The following ADRA1B variants were observed in gnomAD, a reference collection of about 807,000 sequenced individuals.
The protein encoded by ADRA1B is alpha-1B adrenergic receptor.
Under a neutral mutation model 17.9 loss-of-function variants are expected in ADRA1B, and 17 were observed. The ratio of observed to expected loss-of-function variants is 0.95; its 90% CI spans 0.65 to 1.42. ADRA1B has a LOEUF of 1.42. Ranked by LOEUF, ADRA1B falls within the 40% of genes most tolerant of loss-of-function variation. The pLI is 0.00. For synonymous variants in ADRA1B, 366 were observed against 327.6 expected (o/e 1.12, Z -1.27); for missense variants, 681 against 722.1 (o/e 0.94, Z 0.65).
In ADRA1B at chr5:159,916,770, G is replaced by A. The variant is rs1204171159; in HGVS notation, c.-136G>A. 4 of 808,940 alleles carry A rather than the reference G, an allele frequency of 4.9e-6. No individual in the cohort carries two copies. Among genetic ancestry groups the A allele is most frequent in the Non-Finnish European group, 7.8e-6 (4 of 513,850 alleles). 50.1% of individuals were successfully genotyped at this position (808,940 alleles called of 1,614,324 possible). On this transcript the variant is annotated 5_prime_UTR_variant, in exon 1 of 2. Coordinates refer to ENST00000306675, the MANE Select transcript of ADRA1B (RefSeq NM_000679.4). ...TGCTGCCGGGCTGGGCTGCCCGGGG[G>A]AGATGACTCCTCGCCAGGAGGGCGC... is the stretch of plus-strand genomic sequence containing the variant.
chr5:159,981,738 C>T, the ADRA1B span, among the ~76,000 whole-genome samples: 20 of 152,232 alleles, frequency 1.3e-4, no homozygotes, highest in Admixed American at 9.8e-4. Flanking sequence ...CCTTGTGATC[C>T]GCCCGCCTCG....
downstream of ADRA1B, among the ~76,000 whole-genome samples, chr5:159,974,756 A>G (rs189578804): frequency 1.1e-3 from 170 of 152,300 alleles, 1 homozygote; most frequent in Middle Eastern, 0.01. Context: ...TTACATTTTC[A>G]TTCAATTTTA....
rs1203391246 is a variant in ADRA1B, at chr5:159,916,558, G to C, written c.-348G>C. The C allele has an allele frequency of 5.2e-6, 1 of 191,380 alleles. No individual in the cohort carries two copies. The highest frequency in any genetic ancestry group is 1.1e-5 in the Non-Finnish European group (1 of 94,718). The allele number at this position is 191,380 out of a possible 1,614,324, so 11.9% of individuals were successfully genotyped here. A position where few individuals can be genotyped will look rare whatever the true frequency, so the allele number is the denominator to read the frequency against. On this transcript the variant is annotated 5_prime_UTR_variant, in exon 1 of 2. Coordinates refer to ENST00000306675, the MANE Select transcript of ADRA1B (RefSeq NM_000679.4). Reference sequence around the variant, plus strand: ...GGCGGAGGACGCGCCGCGGTCCGCAGACCCGAGCGAGCTGGGCACCGCCGG... The same window carrying C: ...GGCGGAGGACGCGCCGCGGTCCGCACACCCGAGCGAGCTGGGCACCGCCGG...
chr5:159,969,777 T>A (rs1755835166), intron 1 of ADRA1B, among the ~76,000 whole-genome samples: 1 of 152,202 alleles, frequency 6.6e-6, no homozygotes, highest in Non-Finnish European at 1.5e-5. Flanking sequence ...TTTAAGATAT[T>A]TAAATTTGTA....
intron 1 of ADRA1B, among the ~76,000 whole-genome samples, chr5:159,885,797 G>C (rs1200733370): frequency 1.3e-5 from 2 of 152,186 alleles, no homozygotes; most frequent in African/African-American, 4.8e-5. Flanking sequence ...AACATCCCAA[G>C]TTAGACAGTG....
In ADRA1B at chr5:159,972,036, C is replaced by T. The variant is rs767073094; in HGVS notation, c.1107C>T (p.Gly369=). 7 of 1,390,160 alleles carry T rather than the reference C, an allele frequency of 5.0e-6. No homozygotes were observed. Among genetic ancestry groups the T allele is most frequent in the African/African-American group, 1.5e-5 (1 of 66,518 alleles). 86.1% of individuals were successfully genotyped at this position (1,390,160 alleles called of 1,614,324 possible). A position where few individuals can be genotyped will look rare whatever the true frequency, so the allele number is the denominator to read the frequency against. Residue 369 remains glycine, a synonymous_variant, in exon 2 of 2, where the codon GGC becomes GGT. Coordinates refer to ENST00000306675, the MANE Select transcript of ADRA1B (RefSeq NM_000679.4). ...FVRILGCQCR[G]RGRRRRRRRR... is the part of the protein sequence containing the mutation. Reference sequence around the variant, plus strand: ...GCATCCTCGGGTGCCAGTGCCGCGGCCGCGGCCGCCGCCGACGCCGCCGCC... The same window carrying T: ...GCATCCTCGGGTGCCAGTGCCGCGGTCGCGGCCGCCGCCGACGCCGCCGCC...
At chr5:159,968,464 T>C (rs1755813064) in intron 1 of ADRA1B, among the ~76,000 whole-genome samples, 1 of 152,266 alleles carries the variant, frequency 6.6e-6, no homozygotes, top group Admixed American at 6.5e-5. Context: ...CCAAACAAAG[T>C]TATAATTTTT....
chr5:159,868,881 G>A (rs1036710378), intron 1 of ADRA1B: 1 of 152,132 alleles, frequency 6.6e-6, no homozygotes, highest in South Asian at 2.1e-4. Context: ...CAGGTTCATG[G>A]GAGATCATAG....
rs1414731891 is a variant in ADRA1B at position 159,916,651 on chromosome 5, G to A, written c.-255G>A. On this transcript the variant is annotated 5_prime_UTR_variant, in exon 1 of 2. In the 5' UTR this introduces an upstream ATG that the reference lacks. Transcript: ENST00000306675. Reference sequence around the variant, plus strand: ...GCGAGCCCGGCCAGGCGCGCCTGACGTGGACCATTAAACTTGGAGCTGCCG... The same window carrying A: ...GCGAGCCCGGCCAGGCGCGCCTGACATGGACCATTAAACTTGGAGCTGCCG... The A allele has an allele frequency of 1.9e-5, 6 of 313,772 alleles. No individual in the cohort carries two copies. The highest frequency in any genetic ancestry group is 3.5e-5 in the Non-Finnish European group (6 of 171,452). The allele number at this position is 313,772 out of a possible 1,614,324, so 19.4% of individuals were successfully genotyped here.
intron 1 of ADRA1B, among the ~76,000 whole-genome samples, chr5:159,945,903 A>G (rs933014481): frequency 2.0e-5 from 3 of 151,996 alleles, no homozygotes; most frequent in African/African-American, 4.8e-5. Flanking sequence ...GCCCGCCACC[A>G]TGCCTGGCTA....
intron 1 of ADRA1B, among the ~76,000 whole-genome samples, chr5:159,918,573 C>T (rs933604679): frequency 6.6e-6 from 1 of 152,176 alleles, no homozygotes; most frequent in Admixed American, 6.5e-5. Context: ...TTATGGAATG[C>T]CCAGAATCAA....
At chr5:159,945,358 T>TAATA (rs903577189) in intron 1 of ADRA1B, among the ~76,000 whole-genome samples, 2 of 151,868 alleles carry the variant, frequency 1.3e-5, no homozygotes, top group Non-Finnish European at 2.9e-5. Context: ...TCTAAAAAAT[T>TAATA]AATAAATAAA....
chr5:159,894,200 G>C (rs939918123), intron 1 of ADRA1B, among the ~76,000 whole-genome samples: 2 of 152,214 alleles, frequency 1.3e-5, no homozygotes, highest in Non-Finnish European at 2.9e-5. Flanking sequence ...CTATGTGCCA[G>C]TTCTGGTCTA....
intron 1 of ADRA1B, chr5:159,867,904 G>T (rs971150957): frequency 6.6e-6 from 1 of 152,080 alleles, no homozygotes; most frequent in Non-Finnish European, 1.5e-5. Context: ...CCACAAGTGT[G>T]GTCTCACGTG....
At chr5:159,987,893 A>T in the ADRA1B span, among the ~76,000 whole-genome samples, 670 of 152,210 alleles carry the variant, frequency 4.4e-3, 5 homozygotes, top group African/African-American at 0.016. Context: ...CTCCTCGTGG[A>T]CTTTGTAGTC....
chr5:159,952,457 C>T (rs999050871), intron 1 of ADRA1B, among the ~76,000 whole-genome samples: 14 of 152,086 alleles, frequency 9.2e-5, no homozygotes, highest in African/African-American at 3.1e-4. Flanking sequence ...GCATGGATGG[C>T]GAAACTGTGG....
chr5:159,939,046 A>G (rs1318618547), intron 1 of ADRA1B, among the ~76,000 whole-genome samples: 1 of 152,230 alleles, frequency 6.6e-6, no homozygotes, highest in African/African-American at 2.4e-5. Flanking sequence ...GGAAATGCCA[A>G]GAATTTCATT....
At chr5:159,865,900 T>C (rs1753646509) in intron 1 of ADRA1B, among the ~76,000 whole-genome samples, 1 of 152,232 alleles carries the variant, frequency 6.6e-6, no homozygotes, top group Non-Finnish European at 1.5e-5. Flanking sequence ...TTATTTCTGA[T>C]GTGGCAGCTA....
intron 1 of ADRA1B, among the ~76,000 whole-genome samples, chr5:159,875,767 T>G (rs773248741): frequency 1.3e-5 from 2 of 152,114 alleles, no homozygotes; most frequent in Non-Finnish European, 2.9e-5. Context: ...GGCATCCAGG[T>G]TTGAGTCCCC....
Sources: gnomAD v4.1 joint callset for allele counts (sites outside exome capture counted in the v4.1 genomes callset) on GRCh38, gnomAD v4.1.1 for gene constraint, MANE v1.5 for transcripts, NCBI Gene and HGNC (gene_info 2026-07-23, HGNC 2026-07-21) for gene names.